LEMD3: variants seen among roughly 807,000 people sequenced by gnomAD.
LEMD3 encodes LEM domain containing 3, also known as inner nuclear membrane protein Man1.
Under a neutral mutation model 95.2 loss-of-function variants are expected in LEMD3, and 33 were observed. The ratio of observed to expected loss-of-function variants is 0.35; its 90% CI spans 0.26 to 0.46. The LOEUF is 0.46. Ranked by LOEUF, LEMD3 falls within the 20% of genes least tolerant of loss-of-function variation. LEMD3 has a pLI of 1.00. For synonymous variants in LEMD3, 525 were observed against 474.6 expected, an observed-to-expected ratio of 1.11 and a Z score of -1.38; for missense variants, 1,210 against 1,192.8, an observed-to-expected ratio of 1.01 and a Z score of -0.21.
chr12:65,177,719 T>C (rs558819597), intron 1 of LEMD3, among the ~76,000 whole-genome samples: 1 of 152,298 alleles, frequency 6.6e-6, no homozygotes, highest in South Asian at 2.1e-4. Context: ...CATGTTTTAA[T>C]GTCATTGTCG....
chr12:65,240,099 A>G (rs999366158), intron 7 of LEMD3, 37 bp from the exon 8 acceptor site: 2 of 1,366,294 alleles, frequency 1.5e-6, no homozygotes, highest in African/African-American at 2.8e-5. Flanking sequence ...CATTATGTCA[A>G]GTGATTGATT....
chr12:65,235,270 T>C (rs1371728083), intron 4 of LEMD3, among the ~76,000 whole-genome samples: 1 of 152,122 alleles, frequency 6.6e-6, no homozygotes, highest in African/African-American at 2.4e-5. Context: ...TAGATTTTCA[T>C]TTATATACAA....
intron 4 of LEMD3, among the ~76,000 whole-genome samples, chr12:65,222,341 T>G (rs1870315776): frequency 6.6e-6 from 1 of 152,138 alleles, no homozygotes; most frequent in South Asian, 2.1e-4. Flanking sequence ...TGAATTCAGT[T>G]TGCTAGTGTT....
At chr12:65,200,140 G>A (rs1311675164) in intron 1 of LEMD3, among the ~76,000 whole-genome samples, 1 of 151,600 alleles carries the variant, frequency 6.6e-6, no homozygotes, top group African/African-American at 2.4e-5. Flanking sequence ...ACTGGTCACC[G>A]GCCTAGTCTT....
chr12:65,236,746 A>G (rs988914386), intron 4 of LEMD3, among the ~76,000 whole-genome samples: 20 of 152,126 alleles, frequency 1.3e-4, no homozygotes, highest in Non-Finnish European at 2.4e-4. Context: ...GACATATTCT[A>G]AATGTTCATT....
chr12:65,194,969 C>T (rs749888383), intron 1 of LEMD3, among the ~76,000 whole-genome samples: 10 of 112,084 alleles, frequency 8.9e-5, no homozygotes, highest in Non-Finnish European at 1.6e-4. Flanking sequence ...GTTAGCTTGG[C>T]CCAAGCCCCA....
At position 65,170,187 on chromosome 12, in the gene LEMD3, G is replaced by T. The variant is rs1418376302; in HGVS notation, c.591G>T (p.Trp197Cys). 3 of 1,500,264 alleles carry T rather than the reference G, an allele frequency of 2.0e-6. No individual in the cohort carries two copies. The highest frequency in any genetic ancestry group is 2.7e-6 in the Non-Finnish European group (3 of 1,126,882). 92.9% of individuals were successfully genotyped at this position (1,500,264 alleles called of 1,614,324 possible). ...AGCGAAGGAAGCCCCACTCGTGGTG[G>T]GGGGCCAGGAGGCCGGCGGGCCCCG... ...SAERRKPHSW[W>C]GARRPAGPEL... Residue 197 changes from tryptophan (W) to cysteine (C), a missense_variant, in exon 1 of 13, where the codon TGG becomes TGT. This residue lies in a region of LEMD3 where 749 missense variants were observed against 622.9 expected (regional missense o/e 1.20). Coordinates refer to ENST00000308330, the MANE Select transcript of LEMD3 (RefSeq NM_014319.5).
intron 9 of LEMD3, among the ~76,000 whole-genome samples, chr12:65,241,337 C>T (rs1053391235): frequency 1.3e-5 from 2 of 151,800 alleles, no homozygotes; most frequent in African/African-American, 2.4e-5. Context: ...CTTAATGAAG[C>T]AACTTAGTAT....
intron 4 of LEMD3, among the ~76,000 whole-genome samples, chr12:65,224,076 T>G (rs1870376207): frequency 6.6e-6 from 1 of 152,176 alleles, no homozygotes; most frequent in Admixed American, 6.5e-5. Flanking sequence ...ATCATCAACA[T>G]ATTTTTATAA....
intron 1 of LEMD3, among the ~76,000 whole-genome samples, chr12:65,193,901 A>G (rs988093441): frequency 1.3e-5 from 2 of 152,130 alleles, no homozygotes; most frequent in Non-Finnish European, 2.9e-5. Context: ...ATAGTTCTAT[A>G]ATCTTAAACA....
intron 4 of LEMD3, among the ~76,000 whole-genome samples, chr12:65,223,536 T>C (rs1312968121): frequency 1.3e-5 from 2 of 152,110 alleles, no homozygotes; most frequent in Non-Finnish European, 2.9e-5. Context: ...TTGTCTAATA[T>C]GAGTATGGCT....
At chr12:65,184,837 TTGTTGGGTAAAA>T (rs1869009524) in intron 1 of LEMD3, among the ~76,000 whole-genome samples, 1 of 152,164 alleles carries the variant, frequency 6.6e-6, no homozygotes, top group African/African-American at 2.4e-5. Context: ...GGAGTTAACG[TTGTTGGGTAAAA>T]ACCTTAGCAA....
chr12:65,172,954 T>C, intron 1 of LEMD3, among the ~76,000 whole-genome samples: 1 of 152,158 alleles, frequency 6.6e-6, no homozygotes. Context: ...GGCCATTTTC[T>C]AAGAGCTAAT....
At chr12:65,195,688 T>C (rs1246819655) in intron 1 of LEMD3, among the ~76,000 whole-genome samples, 1 of 152,106 alleles carries the variant, frequency 6.6e-6, no homozygotes. Flanking sequence ...AAGCCCCAGT[T>C]ACAACAAGAT....
intron 3 of LEMD3, among the ~76,000 whole-genome samples, chr12:65,217,519 G>T (rs1368025605): frequency 2.0e-5 from 3 of 152,120 alleles, no homozygotes; most frequent in African/African-American, 4.8e-5. Flanking sequence ...TTTTATTTTA[G>T]AAACATTTGG....
At chr12:65,198,167 G>T (rs1417156498) in intron 1 of LEMD3, among the ~76,000 whole-genome samples, 1 of 152,012 alleles carries the variant, frequency 6.6e-6, no homozygotes, top group Non-Finnish European at 1.5e-5. Flanking sequence ...GTATCTTTTA[G>T]TGTAAATTTA....
At chr12:65,228,645 C>T (rs1395542535) in intron 4 of LEMD3, among the ~76,000 whole-genome samples, 4 of 152,290 alleles carry the variant, frequency 2.6e-5, no homozygotes, top group Middle Eastern at 3.4e-3. Flanking sequence ...ATCTGCCCGC[C>T]TCAGCCTCCC....
chr12:65,203,218 C>T (rs1243763241), intron 1 of LEMD3, among the ~76,000 whole-genome samples: 3 of 152,088 alleles, frequency 2.0e-5, no homozygotes, highest in Non-Finnish European at 4.4e-5. Context: ...TGCAATCAGG[C>T]CTTGGCAATG....
rs962967741 is a variant in LEMD3 at position 65,246,237 on chromosome 12, C to A, written c.2648C>A (p.Thr883Asn). ...HRFPQALTSN[T>N]PLKPSNKHMN... ...TTTCCCCAGGCTCTCACTTCCAACA[C>A]TCCATTGAAGCCATCAAATAAACAT... is the stretch of plus-strand genomic sequence containing the variant. The change falls in exon 13 of 13, where the codon ACT becomes AAT. Residue 883 changes from threonine (T) to asparagine (N), a missense_variant. Physicochemically the swap from Thr to Asn is moderately conservative, Grantham distance 65 (BLOSUM62 0). Coordinates refer to ENST00000308330, the MANE Select transcript of LEMD3 (RefSeq NM_014319.5). The A allele has an allele frequency of 6.2e-7, 1 of 1,612,684 alleles. No individual in the cohort carries two copies. The highest frequency in any genetic ancestry group is 8.5e-7 in the Non-Finnish European group (1 of 1,178,788).
Sources: allele counts gnomAD v4.1 joint callset (sites outside exome capture counted in the v4.1 genomes callset), GRCh38; gene constraint gnomAD v4.1.1; regional missense constraint gnomAD v4.1.1; transcripts MANE v1.5; gene names NCBI Gene and HGNC (gene_info 2026-07-23, HGNC 2026-07-21).